Variants in GPC3 observed in about 807,000 individuals in gnomAD.
GPC3 encodes the protein glypican-3.
Under a neutral mutation model 34.4 loss-of-function variants are expected in GPC3, and 3 were observed. The ratio of observed to expected loss-of-function variants is 0.09; its 90% CI spans 0.04 to 0.23. GPC3 has a LOEUF of 0.23. GPC3 is among the 10% of genes least tolerant of loss of function. The pLI is 1.00. For missense variants in GPC3, 351 were observed against 445.6 expected (o/e 0.79, Z 1.91); for synonymous variants, 177 against 174.0 (o/e 1.02, Z -0.13).
chrX:133,772,472 T>C (rs1236177480), intron 2 of GPC3, among the ~76,000 whole-genome samples: 2 of 111,729 alleles, frequency 1.8e-5, no homozygotes, highest in Admixed American at 1.9e-4. Context: ...ATCACGTCTC[T>C]TTCATCAGCA....
At chrX:133,948,881 C>T (rs990536823) in intron 2 of GPC3, among the ~76,000 whole-genome samples, 5 of 111,805 alleles carry the variant, frequency 4.5e-5, no homozygotes, top group Non-Finnish European at 9.4e-5. Flanking sequence ...CCAGCCTTGT[C>T]GAGGTTAATG....
At chrX:133,710,666 C>T (rs1408941255) in intron 3 of GPC3, among the ~76,000 whole-genome samples, 2 of 112,083 alleles carry the variant, frequency 1.8e-5, no homozygotes, top group Non-Finnish European at 3.8e-5. Flanking sequence ...CTTCTAATCT[C>T]GAATTACCAA....
intron 6 of GPC3, among the ~76,000 whole-genome samples, chrX:133,602,136 G>A (rs543626015): frequency 1.2e-4 from 13 of 111,356 alleles, no homozygotes; most frequent in Middle Eastern, 4.7e-3. Context: ...TGAGCCTGGA[G>A]GACATTATGT....
At chrX:133,823,230 A>G (rs1484313856) in intron 2 of GPC3, among the ~76,000 whole-genome samples, 1 of 108,473 alleles carries the variant, frequency 9.2e-6, no homozygotes, top group African/African-American at 3.4e-5. Context: ...TGGATTCTTC[A>G]TAAGAAACCA....
chrX:133,555,922 T>C (rs1716538063), intron 7 of GPC3, among the ~76,000 whole-genome samples: 1 of 111,327 alleles, frequency 9.0e-6, no homozygotes, highest in Admixed American at 9.5e-5. Context: ...CCTCCCAGGT[T>C]CCCCTTTTTC....
chrX:133,934,385 G>A (rs1015508827), intron 2 of GPC3, among the ~76,000 whole-genome samples: 2 of 108,064 alleles, frequency 1.9e-5, no homozygotes, highest in Non-Finnish European at 3.8e-5. Context: ...AGTAGAGATG[G>A]GGTTTCATCA....
Position 133,753,866 on chromosome X carries a change from C to T in GPC3, c.648G>A (p.Met216Ile), listed in dbSNP as rs752516966. The T allele has an allele frequency of 8.3e-7, 1 of 1,211,613 alleles. No homozygotes were observed. Among genetic ancestry groups the T allele is most frequent in the Non-Finnish European group, 1.1e-6 (1 of 895,385 alleles). Reference protein sequence around the residue: ...KVFGNFPKLIMTQVSKSLQVT... With the variant: ...KVFGNFPKLIITQVSKSLQVT... ...CTTGCAGTGACTTGGAAACCTGGGT[C>T]ATAATAAGCTTGGGGAAATTCCCAA... Residue 216 changes from methionine to isoleucine, a missense_variant, in exon 3 of 8, where the codon ATG becomes ATA. Met to Ile is a conservative substitution (Grantham distance 10). Coordinates refer to ENST00000370818, the MANE Select transcript of GPC3 (RefSeq NM_004484.4).
chrX:133,646,524 C>T (rs1163317106), intron 6 of GPC3, among the ~76,000 whole-genome samples: 3 of 111,702 alleles, frequency 2.7e-5, no homozygotes, highest in African/African-American at 9.8e-5. Context: ...GCTATCTATA[C>T]TCGAGGCATG....
At chrX:133,630,671 CG>C (rs1423799090) in intron 6 of GPC3, among the ~76,000 whole-genome samples, 1 of 111,559 alleles carries the variant, frequency 9.0e-6, no homozygotes, top group Admixed American at 9.6e-5. Flanking sequence ...ATTTGGCTGT[CG>C]ACAAGCAGAG....
intron 5 of GPC3, among the ~76,000 whole-genome samples, chrX:133,662,134 G>A (rs1018942992): frequency 2.1e-4 from 23 of 111,685 alleles, no homozygotes; most frequent in African/African-American, 7.5e-4. Context: ...AGTCCAGTGG[G>A]GAGTCTAGAA....
chrX:133,923,054 T>G (rs2076257739), intron 2 of GPC3, among the ~76,000 whole-genome samples: 1 of 110,864 alleles, frequency 9.0e-6, no homozygotes, highest in African/African-American at 3.3e-5. Flanking sequence ...AAAGAGCCAT[T>G]AGGATTGAAA....
At chrX:133,825,433 G>T (rs926610122) in intron 2 of GPC3, among the ~76,000 whole-genome samples, 1 of 111,568 alleles carries the variant, frequency 9.0e-6, no homozygotes, top group South Asian at 3.8e-4. Flanking sequence ...TGACCCATTG[G>T]GAGGTTATCT....
chrX:133,753,555 A>G lies in GPC3; in HGVS notation c.959T>C (p.Leu320Pro), dbSNP rs759943578. 13 of 1,209,828 alleles carry G rather than the reference A, an allele frequency of 1.1e-5. No homozygotes were observed. Among genetic ancestry groups the G allele is most frequent in the Non-Finnish European group, 1.5e-5 (13 of 893,549 alleles). ...ATGGATTGTTGAAAAGAGACCAAGCAGTACGTTCTCCATGTCATAGATTCT... is the reference window on the plus strand; with the variant it reads ...ATGGATTGTTGAAAAGAGACCAAGCGGTACGTTCTCCATGTCATAGATTCT... ...MYRIYDMENV[L>P]LGLFSTIHDS... is the part of the protein sequence containing the mutation. The change falls in exon 3 of 8, where the codon CTG becomes CCG. Residue 320 changes from leucine to proline, a missense_variant. Leu to Pro is a moderately conservative substitution (Grantham distance 98). Transcript: ENST00000370818.
intron 2 of GPC3, among the ~76,000 whole-genome samples, chrX:133,943,486 A>G (rs1462714509): frequency 1.8e-5 from 2 of 112,597 alleles, no homozygotes; most frequent in Non-Finnish European, 3.8e-5. Context: ...TGGGTCTAGC[A>G]ACTCAATTAT....
intron 2 of GPC3, among the ~76,000 whole-genome samples, chrX:133,912,957 G>C (rs1408904196): frequency 1.8e-5 from 2 of 109,360 alleles, no homozygotes; most frequent in Non-Finnish European, 3.8e-5. Flanking sequence ...GGGAGTCTGA[G>C]GCAGGAGAAT....
At chrX:133,841,215 A>ATTTTTTTTTTGTTTTTTTTTTTTTTTT (rs2075822545) in intron 2 of GPC3, among the ~76,000 whole-genome samples, 1 of 39,248 alleles carries the variant, frequency 2.5e-5, no homozygotes, top group Non-Finnish European at 5.4e-5. Context: ...TAATCTTTTA[A>ATTTTTTTTTTGTTTTTTTTTTTTTTTT]TTTTTTTTTT....
chrX:133,763,416 T>C (rs2071816817), intron 2 of GPC3: 5 of 535,297 alleles, frequency 9.3e-6, no homozygotes, highest in Non-Finnish European at 1.4e-5. Flanking sequence ...ACAGAGATCC[T>C]GAAGAGACTG....
intron 7 of GPC3, among the ~76,000 whole-genome samples, chrX:133,554,182 T>A (rs1438040658): frequency 9.1e-6 from 1 of 110,491 alleles, no homozygotes; most frequent in Non-Finnish European, 1.9e-5. Flanking sequence ...CCCAGCTAAT[T>A]TTTGTATTTT....
At chrX:133,609,845 T>C (rs775748488) in intron 6 of GPC3, among the ~76,000 whole-genome samples, 1 of 112,583 alleles carries the variant, frequency 8.9e-6, no homozygotes, top group Admixed American at 9.4e-5. Context: ...CATCGACCTT[T>C]CATCCCCTAA....
Sources: allele counts gnomAD v4.1 joint callset (sites outside exome capture counted in the v4.1 genomes callset), GRCh38; gene constraint gnomAD v4.1.1; transcripts MANE v1.5; gene names NCBI Gene and HGNC (gene_info 2026-07-23, HGNC 2026-07-21).